AGO1: variants seen among roughly 807,000 people sequenced by gnomAD.
AGO1 encodes argonaute RISC component 1.
A neutral mutation model predicts 109.2 loss-of-function variants in AGO1; 11 were observed. The ratio of observed to expected loss-of-function variants is 0.10; its 90% CI spans 0.06 to 0.17. The LOEUF (loss-of-function observed/expected upper bound fraction) is 0.17. Ranked by LOEUF, AGO1 falls within the 10% of genes least tolerant of loss-of-function variation. The probability of loss-of-function intolerance (pLI) is 1.00; values close to 1 mark genes in which losing one functional copy is unlikely to be tolerated. For missense variants in AGO1, 574 were observed against 1,140.3 expected, an observed-to-expected ratio of 0.50 and a Z score of 7.15; for synonymous variants, 422 against 418.6, an observed-to-expected ratio of 1.01 and a Z score of -0.10.
chr1:35,911,593 G>A (rs1645634161), intron 12 of AGO1, among the ~76,000 whole-genome samples: 1 of 151,578 alleles, frequency 6.6e-6, no homozygotes, highest in Admixed American at 6.6e-5. Context: ...TATTTTATCT[G>A]GCTTTTCTGA....
At position 35,883,747 on chromosome 1, in the gene AGO1, C is replaced by T. The variant is rs1645070827; in HGVS notation, c.25+301C>T. Among the ~76,000 whole-genome samples the T allele has an allele frequency of 2.0e-5, 3 of 152,198 alleles. No homozygotes were observed. Among genetic ancestry groups the T allele is most frequent in the South Asian group, 4.1e-4 (2 of 4,834 alleles). ...ACATCCGTGGAGGCCTACGGAGAGG[C>T]CCGGCAGGTGGCAGGGGACGGGCTC... On this transcript the variant is annotated intron_variant, in intron 1 of 18. Transcript: ENST00000373204. The surrounding 1 kb of genome is among the most constrained non-coding windows in gnomAD (Gnocchi z 5.4).
chr1:35,909,074 TC>T, intron 12 of AGO1, among the ~76,000 whole-genome samples: 1 of 152,220 alleles, frequency 6.6e-6, no homozygotes, highest in Admixed American at 6.5e-5. Context: ...CGCCTCGGCC[TC>T]CCAAAGTGCT....
chr1:35,901,147 A>G lies in AGO1; in HGVS notation c.1021-327A>G, dbSNP rs1428457890. On this transcript the variant is annotated intron_variant, in intron 8 of 18. Coordinates refer to ENST00000373204, the MANE Select transcript of AGO1 (RefSeq NM_012199.5). This position sits in a 1 kb window ranked among gnomAD's most constrained non-coding sequence, Gnocchi z 4.8. ...AGGCGCACGCCACCATGCCTGGCTA[A>G]TTTTTGTATTTTTAGTAGAGACTGG... Among the ~76,000 whole-genome samples the G allele has an allele frequency of 1.3e-5, 2 of 151,556 alleles. No homozygotes were observed. The highest frequency in any genetic ancestry group is 2.9e-5 in the Non-Finnish European group (2 of 67,882).
intron 12 of AGO1, among the ~76,000 whole-genome samples, chr1:35,909,576 C>T (rs1028688840): frequency 1.3e-5 from 2 of 152,178 alleles, no homozygotes; most frequent in African/African-American, 4.8e-5. Flanking sequence ...TCCTTTAATA[C>T]CCAGTTTAAA....
At chr1:35,915,270 A>G in intron 14 of AGO1, 78 bp from the exon 15 acceptor site, 1 of 1,344,440 alleles carries the variant, frequency 7.4e-7, no homozygotes, top group Non-Finnish European at 1.0e-6. Flanking sequence ...TTTCTTGCTA[A>G]GAAGCCTTTC....
chr1:35,902,448 C>G (rs531868785), intron 11 of AGO1, 111 bp downstream of exon 11: 10 of 1,363,976 alleles, frequency 7.3e-6, no homozygotes, highest in Non-Finnish European at 9.7e-6. Flanking sequence ...TGTCTTGACT[C>G]TGCCTGCATT....
rs748183477 is a variant in AGO1 at position 35,914,271 on chromosome 1, A to T, written c.1830A>T (p.Thr610=). Residue 610 remains threonine, a synonymous_variant, in exon 14 of 19, where the codon ACA becomes ACT. Transcript: ENST00000373204. ...PAGDGKKPSI[T]AVVGSMDAHP... is the part of the protein sequence containing the mutation. ...GGGATGGGAAAAAACCTTCTATCACAGCAGTGAGTGATATTCTGTAGCTGC... is the reference window on the plus strand; with the variant it reads ...GGGATGGGAAAAAACCTTCTATCACTGCAGTGAGTGATATTCTGTAGCTGC... The T allele has an allele frequency of 1.7e-4, 268 of 1,613,198 alleles. No individual in the cohort carries two copies. The highest frequency in any genetic ancestry group is 2.1e-4 in the Non-Finnish European group (251 of 1,179,236).
At position 35,894,065 on chromosome 1, in the gene AGO1, G is replaced by A; in HGVS notation, c.678G>A (p.Gln226=). Residue 226 remains glutamine, a synonymous_variant, in exon 6 of 19, where the codon CAG becomes CAA. Coordinates refer to ENST00000373204, the MANE Select transcript of AGO1 (RefSeq NM_012199.5). ...CAGCCACTGCCTTTTATAAGGCACAGCCAGTGATTGAGTTCATGTGTGAGG... is the reference window on the plus strand; with the variant it reads ...CAGCCACTGCCTTTTATAAGGCACAACCAGTGATTGAGTTCATGTGTGAGG... The part of the protein sequence containing the change: ...DVSATAFYKA[Q]PVIEFMCEVL... 1.3e-6 allele frequency: 2 copies of A among 1,570,156 alleles called. No individual in the cohort carries two copies. Among genetic ancestry groups the A allele is most frequent in the Non-Finnish European group, 1.7e-6 (2 of 1,160,242 alleles).
intron 16 of AGO1, 135 bp downstream of exon 16, chr1:35,917,862 C>G (rs1645762813): frequency 1.6e-6 from 2 of 1,272,508 alleles, no homozygotes; most frequent in South Asian, 3.1e-5. Flanking sequence ...CTCCTCCTAG[C>G]TCTTGTGGTC....
In AGO1 at chr1:35,893,794, G is replaced by T; in HGVS notation, c.633G>T (p.Met211Ile). The T allele has an allele frequency of 6.2e-7, 1 of 1,613,446 alleles. No individual in the cohort carries two copies. Among genetic ancestry groups the T allele is most frequent in the South Asian group, 1.1e-5 (1 of 91,030 alleles). Residue 211 changes from methionine to isoleucine, a missense_variant, in exon 5 of 19, where the codon ATG (methionine) becomes ATT (isoleucine). By Grantham distance (10) the Met-to-Ile change is conservative (BLOSUM62 1). Transcript: ENST00000373204. This position sits in a 1 kb window ranked among gnomAD's most constrained non-coding sequence, Gnocchi z 5.6. ...CTGTGCGCCCTGCCATGTGGAAGAT[G>T]ATGCTCAACATTGATGGTGAGTGGG... ...HQSVRPAMWK[M>I]MLNIDVSATA...
In AGO1 at chr1:35,921,881, C is replaced by T. The variant is rs1645839882; in HGVS notation, c.*2274C>T. The T allele has an allele frequency of 6.5e-6, 1 of 152,750 alleles. No homozygotes were observed. Among genetic ancestry groups the T allele is most frequent in the Non-Finnish European group, 1.5e-5 (1 of 68,104 alleles). 9.5% of individuals were successfully genotyped at this position (152,750 alleles called of 1,614,324 possible). A position where few individuals can be genotyped will look rare whatever the true frequency, so the allele number is the denominator to read the frequency against. On this transcript the variant is annotated 3_prime_UTR_variant, in exon 19 of 19. Transcript: ENST00000373204. ...CTCACTGGAGAGCCTACATTCCTTA[C>T]ACAAGTGCCTAAAGAGAGTGATGCT... is the stretch of plus-strand genomic sequence containing the variant.
At chr1:35,914,322 G>A in intron 14 of AGO1, 48 bp downstream of exon 14, 1 of 1,516,610 alleles carries the variant, frequency 6.6e-7, no homozygotes, top group Non-Finnish European at 9.1e-7. Flanking sequence ...TCTTCGCTCT[G>A]AGTCCTCAAA....
intron 12 of AGO1, among the ~76,000 whole-genome samples, chr1:35,912,466 A>G (rs1645653885): frequency 6.6e-6 from 1 of 151,940 alleles, no homozygotes; most frequent in South Asian, 2.1e-4. Context: ...GCATCGAACC[A>G]TGAGGCCCAT....
chr1:35,895,038 C>T (rs1645293909), intron 7 of AGO1, 84 bp from the exon 8 acceptor site: 1 of 1,464,982 alleles, frequency 6.8e-7, no homozygotes, highest in Non-Finnish European at 9.1e-7. Flanking sequence ...AGGAAAAAAT[C>T]TGAGGCTTCC....
At position 35,901,623 on chromosome 1, in the gene AGO1, T is replaced by C. The variant is rs201592541; in HGVS notation, c.1140+30T>C. The C allele has an allele frequency of 1.2e-4, 199 of 1,613,676 alleles. No homozygotes were observed. The highest frequency in any genetic ancestry group is 3.3e-4 in the Middle Eastern group (2 of 6,058). On this transcript the variant is annotated intron_variant, in intron 9 of 18. Transcript: ENST00000373204. This position sits in a 1 kb window ranked among gnomAD's most constrained non-coding sequence, Gnocchi z 4.8. ...GTGGGCCTACTCATTTGCTCAGTCA[T>C]TGGGGCCATTGGTAGCATAAATGTT...
intron 1 of AGO1, among the ~76,000 whole-genome samples, chr1:35,886,040 G>A (rs1023008411): frequency 2.0e-5 from 3 of 152,110 alleles, no homozygotes; most frequent in Admixed American, 6.5e-5. Context: ...CCTCAGAACT[G>A]CAAGAAAGGA....
intron 8 of AGO1, among the ~76,000 whole-genome samples, chr1:35,898,534 C>T (rs539055996): frequency 2.0e-5 from 3 of 152,334 alleles, no homozygotes; most frequent in East Asian, 1.9e-4. Flanking sequence ...GGATTACAGG[C>T]GTGAGCCATT....
intron 12 of AGO1, among the ~76,000 whole-genome samples, chr1:35,909,766 C>T (rs892102342): frequency 4.6e-5 from 7 of 152,150 alleles, no homozygotes; most frequent in African/African-American, 1.7e-4. Flanking sequence ...TAATGCCTTT[C>T]ACTGATACAA....
At chr1:35,915,678 CA>C in intron 15 of AGO1, 136 bp downstream of exon 15, 1 of 799,978 alleles carries the variant, frequency 1.3e-6, no homozygotes, top group South Asian at 1.8e-5. Flanking sequence ...GACTTGGGGG[CA>C]AGGATCGCAA....
Sources: allele counts gnomAD v4.1 joint callset (sites outside exome capture counted in the v4.1 genomes callset), GRCh38; gene constraint gnomAD v4.1.1; non-coding constraint Gnocchi (gnomAD v3.1); transcripts MANE v1.5; gene names NCBI Gene and HGNC (gene_info 2026-07-23, HGNC 2026-07-21).